Variants in LRP5 observed in about 807,000 individuals in gnomAD.
LRP5 encodes LDL receptor related protein 5.
A neutral mutation model predicts 154.1 loss-of-function variants in LRP5; 62 were observed. The observed-to-expected ratio is 0.40, with a 90% CI of 0.33 to 0.50. The LOEUF is 0.50. LRP5 is among the 20% of genes least tolerant of loss of function. The pLI is 0.55. For synonymous variants in LRP5, 966 were observed against 1,011.5 expected (o/e 0.96, Z 0.85); for missense variants, 1,915 against 2,336.7 (o/e 0.82, Z 3.72).
At chr11:68,299,875 G>A in the LRP5 span, among the ~76,000 whole-genome samples, 15 of 148,252 alleles carry the variant, frequency 1.0e-4, no homozygotes, top group African/African-American at 9.8e-5. Flanking sequence ...GAGCCATCGC[G>A]CTCCGCCTTT....
intron 18 of LRP5, 28 bp from the exon 19 acceptor site, chr11:68,436,861 T>C: frequency 6.3e-7 from 1 of 1,582,910 alleles, no homozygotes; most frequent in African/African-American, 1.3e-5. Flanking sequence ...CCCTCCAGCC[T>C]CTCTGAGTGC....
upstream of LRP5, among the ~76,000 whole-genome samples, chr11:68,310,218 A>C (rs916955097): frequency 2.0e-5 from 3 of 152,162 alleles, no homozygotes; most frequent in African/African-American, 7.2e-5. Flanking sequence ...AGGGGTCCTC[A>C]GGCCTGACTG....
intron 5 of LRP5, among the ~76,000 whole-genome samples, chr11:68,378,312 G>A (rs1323508667): frequency 1.3e-5 from 2 of 152,176 alleles, no homozygotes; most frequent in African/African-American, 4.8e-5. Context: ...GGGCGACGGT[G>A]TGCTGGCCAG....
At chr11:68,360,618 G>C (rs2098627039) in intron 3 of LRP5, among the ~76,000 whole-genome samples, 1 of 152,250 alleles carries the variant, frequency 6.6e-6, no homozygotes, top group Non-Finnish European at 1.5e-5. Context: ...GGCCGAGGCT[G>C]ACCTTCCCTC....
chr11:68,367,337 A>G (rs1003089158), intron 5 of LRP5, among the ~76,000 whole-genome samples: 12 of 152,224 alleles, frequency 7.9e-5, no homozygotes, highest in Non-Finnish European at 1.5e-4. Flanking sequence ...GGTTGCCCAC[A>G]GCAGGTGGCA....
At chr11:68,444,814 A>C (rs2098680565) in intron 21 of LRP5, among the ~76,000 whole-genome samples, 3 of 152,028 alleles carry the variant, frequency 2.0e-5, no homozygotes, top group African/African-American at 7.2e-5. Flanking sequence ...AGCTGTAGGA[A>C]GCCCTCTCTG....
At chr11:68,369,540 C>T (rs2098632925) in intron 5 of LRP5, among the ~76,000 whole-genome samples, 1 of 152,040 alleles carries the variant, frequency 6.6e-6, no homozygotes, top group African/African-American at 2.4e-5. Flanking sequence ...CTTGCCCTAA[C>T]AGTGGAAGGA....
intron 1 of LRP5, among the ~76,000 whole-genome samples, chr11:68,346,454 C>A (rs1248122364): frequency 6.6e-6 from 1 of 152,254 alleles, no homozygotes; most frequent in Non-Finnish European, 1.5e-5. Context: ...CTGGGGTCTC[C>A]TGGGCCATGC....
intron 2 of LRP5, among the ~76,000 whole-genome samples, chr11:68,351,184 A>G (rs1448575682): frequency 2.0e-5 from 3 of 152,074 alleles, no homozygotes; most frequent in Admixed American, 6.5e-5. Flanking sequence ...TCGTGCCCCC[A>G]CTACCTGAGA....
In LRP5 at chr11:68,413,241, A is replaced by T; in HGVS notation, c.2504-448A>T. 7.2e-6 allele frequency: 2 copies of T among 277,956 alleles called. No individual in the cohort carries two copies. Among genetic ancestry groups the T allele is most frequent in the South Asian group, 1.4e-4 (2 of 14,128 alleles). 17.2% of individuals were successfully genotyped at this position (277,956 alleles called of 1,614,324 possible). On this transcript the variant is annotated intron_variant, in intron 11 of 22. Coordinates refer to ENST00000294304, the MANE Select transcript of LRP5 (RefSeq NM_002335.4). This position sits in a 1 kb window ranked among gnomAD's most constrained non-coding sequence, Gnocchi z 5.1. ...AGATGAAAACCAGCAAAAGCCCTGGAAACTCATGTGACCCTGCCAATGAGG... is the reference window on the plus strand; with the variant it reads ...AGATGAAAACCAGCAAAAGCCCTGGTAACTCATGTGACCCTGCCAATGAGG...
intron 4 of LRP5, 33 bp from the exon 5 acceptor site, chr11:68,365,538 G>T (rs2098630493): frequency 1.2e-6 from 2 of 1,613,272 alleles, no homozygotes; most frequent in Non-Finnish European, 1.7e-6. Flanking sequence ...TCCTCTTCTG[G>T]AACCTTCTCT....
At chr11:68,412,170 A>C (rs936259706) in intron 11 of LRP5, among the ~76,000 whole-genome samples, 1 of 152,142 alleles carries the variant, frequency 6.6e-6, no homozygotes, top group Non-Finnish European at 1.5e-5. Flanking sequence ...AAAAAAACCT[A>C]TCCCAAGTCA....
chr11:68,361,179 C>T (rs2098627791), intron 3 of LRP5, among the ~76,000 whole-genome samples: 1 of 147,304 alleles, frequency 6.8e-6, no homozygotes. Context: ...GTGGTGGGCA[C>T]CTGTAGTCCC....
intron 9 of LRP5, among the ~76,000 whole-genome samples, chr11:68,408,242 A>ATTTTTTTTT (rs11299690): frequency 1.7e-4 from 9 of 52,110 alleles, no homozygotes; most frequent in East Asian, 6.2e-4. Flanking sequence ...CTCCTGGCTG[A>ATTTTTTTTT]TTTTTTTTTT....
chr11:68,418,068 A>G (rs1340833804), intron 13 of LRP5, among the ~76,000 whole-genome samples: 1 of 152,344 alleles, frequency 6.6e-6, no homozygotes, highest in East Asian at 1.9e-4. Context: ...AGCATGGGGC[A>G]CAACAGGTTC....
At chr11:68,392,093 C>T (rs1350709693) in intron 7 of LRP5, among the ~76,000 whole-genome samples, 1 of 152,212 alleles carries the variant, frequency 6.6e-6, no homozygotes, top group Non-Finnish European at 1.5e-5. Flanking sequence ...AAGCGATCCA[C>T]CTGCCTCGGC....
intron 16 of LRP5, among the ~76,000 whole-genome samples, chr11:68,427,183 C>T (rs529061242): frequency 7.4e-4 from 113 of 152,286 alleles, no homozygotes; most frequent in African/African-American, 2.3e-3. Flanking sequence ...AAGGTCATGA[C>T]GCCGTGCTGG....
chr11:68,436,553 A>ACCCC (rs58286192), intron 18 of LRP5, among the ~76,000 whole-genome samples: 71 of 148,272 alleles, frequency 4.8e-4, no homozygotes, highest in South Asian at 3.9e-3. Context: ...CTTGGCACCC[A>ACCCC]CCCCCCCACC....
chr11:68,368,813 A>G (rs2098632494), intron 5 of LRP5, among the ~76,000 whole-genome samples: 1 of 150,476 alleles, frequency 6.6e-6, no homozygotes. Flanking sequence ...GGAGGTAAAT[A>G]TGTATCAAAG....
Sources: gnomAD v4.1 joint callset for allele counts (sites outside exome capture counted in the v4.1 genomes callset) on GRCh38, gnomAD v4.1.1 for gene constraint, Gnocchi (gnomAD v3.1) non-coding constraint, MANE v1.5 for transcripts, NCBI Gene and HGNC (gene_info 2026-07-23, HGNC 2026-07-21) for gene names.